Variants in NELL1 observed in about 807,000 individuals in gnomAD.
NELL1 encodes neural EGFL like 1, also known as protein kinase C-binding protein NELL1.
Under a neutral mutation model 107.4 loss-of-function variants are expected in NELL1, and 76 were observed. That is an observed-to-expected ratio of 0.71 (90% CI 0.59 to 0.86). The LOEUF (loss-of-function observed/expected upper bound fraction) is 0.86. Among genes scored for constraint, NELL1 ranks in the 40% least tolerant of loss-of-function variants. The pLI is 0.00. For synonymous variants in NELL1, 353 were observed against 341.2 expected (o/e 1.03, Z -0.38); for missense variants, 1,024 against 1,005.5 (o/e 1.02, Z -0.25).
At chr11:20,728,545 A>C (rs1181484434) in intron 2 of NELL1, among the ~76,000 whole-genome samples, 1 of 151,600 alleles carries the variant, frequency 6.6e-6, no homozygotes, top group Non-Finnish European at 1.5e-5. Context: ...CTATCTCATC[A>C]TCATTTATTG....
At chr11:20,674,282 A>T (rs1565300878) in intron 1 of NELL1, among the ~76,000 whole-genome samples, 1 of 152,138 alleles carries the variant, frequency 6.6e-6, no homozygotes, top group Non-Finnish European at 1.5e-5. Flanking sequence ...TTATGATTCC[A>T]GTGGAATTGA....
chr11:20,816,690 G>T (rs1857630389), intron 3 of NELL1, among the ~76,000 whole-genome samples: 2 of 152,110 alleles, frequency 1.3e-5, no homozygotes, highest in South Asian at 4.1e-4. Flanking sequence ...AATAGGAGTG[G>T]TAAGCATGGG....
intron 4 of NELL1, among the ~76,000 whole-genome samples, chr11:20,865,763 C>G (rs930914166): frequency 6.6e-6 from 1 of 152,154 alleles, no homozygotes; most frequent in East Asian, 1.9e-4. Flanking sequence ...TTTTTACACA[C>G]TGTGAGGTGC....
Position 20,693,904 on chromosome 11 carries a change from C to A in NELL1, c.184+15844C>A, listed in dbSNP as rs368785189. ...GTTTTCCAACTTGGTTCCATTCTCC[C>A]CGTCACTTTCAGGTACACCAATCAG... is the stretch of plus-strand genomic sequence containing the variant. On this transcript the variant is annotated intron_variant, in intron 2 of 19. Coordinates refer to ENST00000357134, the MANE Select transcript of NELL1 (RefSeq NM_006157.5). Among the ~76,000 whole-genome samples the A allele has an allele frequency of 2.6e-5, 4 of 152,248 alleles. 1 individual carries two copies. The South Asian group carries it at 8.3e-4, about 32-fold the overall frequency.
chr11:20,900,071 G>C (rs558027739), intron 5 of NELL1, among the ~76,000 whole-genome samples: 1 of 152,098 alleles, frequency 6.6e-6, no homozygotes, highest in African/African-American at 2.4e-5. Flanking sequence ...GGCTTACTTT[G>C]CTGGATTTTA....
chr11:21,540,986 C>T (rs1301286459), intron 16 of NELL1, among the ~76,000 whole-genome samples: 5 of 151,968 alleles, frequency 3.3e-5, no homozygotes, highest in Non-Finnish European at 5.9e-5. Context: ...TCTTCATAGC[C>T]GTTTATTTGC....
chr11:21,243,196 T>G (rs899830561), intron 14 of NELL1, among the ~76,000 whole-genome samples: 2 of 152,170 alleles, frequency 1.3e-5, no homozygotes, highest in Non-Finnish European at 2.9e-5. Flanking sequence ...AGTTTATAAT[T>G]TATTTTAGAT....
chr11:20,674,385 C>A (rs1853997283), intron 1 of NELL1: 2 of 843,624 alleles, frequency 2.4e-6, no homozygotes, highest in Non-Finnish European at 3.8e-6. Context: ...CCAGATGGAG[C>A]TGTTGAAGTG....
At chr11:20,965,026 T>C (rs761878979) in intron 12 of NELL1, among the ~76,000 whole-genome samples, 1 of 152,144 alleles carries the variant, frequency 6.6e-6, no homozygotes, top group Non-Finnish European at 1.5e-5. Context: ...GCCTACGATA[T>C]GTCTCCCTGA....
chr11:21,003,128 C>G (rs1197679319), intron 12 of NELL1, among the ~76,000 whole-genome samples: 1 of 152,042 alleles, frequency 6.6e-6, no homozygotes, highest in African/African-American at 2.4e-5. Context: ...TTCCTATGTT[C>G]CAGGATCTGT....
intron 11 of NELL1, among the ~76,000 whole-genome samples, chr11:20,948,013 A>C (rs1850998674): frequency 6.6e-6 from 1 of 152,224 alleles, no homozygotes; most frequent in East Asian, 1.9e-4. Context: ...CCTTCATCCC[A>C]AAATTTATTC....
Position 21,267,243 on chromosome 11 carries a change from A to G in NELL1, c.1549+37789A>G, listed in dbSNP as rs906172807. Among the ~76,000 whole-genome samples the G allele has an allele frequency of 5.9e-5, 9 of 152,198 alleles. No homozygotes were observed. In the East Asian group the frequency reaches 7.7e-4, roughly 13 times the overall value. ...GATCATTCAAATAGTGTGTGCAATA[A>G]TGTTACTTATAATAATATCATGAAT... On this transcript the variant is annotated intron_variant, in intron 14 of 19. Coordinates refer to ENST00000357134, the MANE Select transcript of NELL1 (RefSeq NM_006157.5).
At chr11:21,184,034 T>C (rs1309272983) in intron 13 of NELL1, among the ~76,000 whole-genome samples, 1 of 151,808 alleles carries the variant, frequency 6.6e-6, no homozygotes, top group African/African-American at 2.4e-5. Flanking sequence ...CAATGCGATA[T>C]AGAGGCAGTA....
Position 20,908,611 on chromosome 11 carries a change from C to T in NELL1, c.604-9571C>T, listed in dbSNP as rs117022500. On this transcript the variant is annotated intron_variant, in intron 5 of 19. Transcript: ENST00000357134. ...GACAGGTCAATAATACATCAAGCCC[C>T]CATGGCACACGTATACCTATGTAAC... 5.4e-3 allele frequency among the ~76,000 whole-genome samples: 819 copies of T among 152,100 alleles called. 17 individuals carry two copies. The highest frequency in any genetic ancestry group is 0.036 in the Admixed American group (556 of 15,252).
At chr11:20,998,314 AT>A (rs1468656800) in intron 12 of NELL1, among the ~76,000 whole-genome samples, 1 of 152,210 alleles carries the variant, frequency 6.6e-6, no homozygotes, top group East Asian at 1.9e-4. Flanking sequence ...CTCCTGATAG[AT>A]TAATTTTCCC....
intron 14 of NELL1, among the ~76,000 whole-genome samples, chr11:21,344,368 C>G (rs1009465829): frequency 2.6e-5 from 4 of 152,144 alleles, no homozygotes. Flanking sequence ...TTCTGTCAGT[C>G]ATACATGTGG....
At chr11:21,138,803 C>T (rs573987130) in intron 13 of NELL1, among the ~76,000 whole-genome samples, 7 of 152,144 alleles carry the variant, frequency 4.6e-5, no homozygotes, top group East Asian at 3.9e-4. Context: ...TGTTTGAAAC[C>T]GTGACTCATG....
intron 12 of NELL1, among the ~76,000 whole-genome samples, chr11:21,057,789 T>C (rs1440675191): frequency 2.0e-5 from 3 of 152,068 alleles, no homozygotes; most frequent in Non-Finnish European, 1.5e-5. Flanking sequence ...GGATAGTTTT[T>C]AAAATTTTGC....
chr11:21,362,351 C>T lies in NELL1; in HGVS notation c.1550-8502C>T, dbSNP rs552288217. Reference sequence around the variant, plus strand: ...AAAGTCCTGTGATGTAATCGGTCTTCAAATCTTCCAGCCATGGATACCAGC... The same window carrying T: ...AAAGTCCTGTGATGTAATCGGTCTTTAAATCTTCCAGCCATGGATACCAGC... On this transcript the variant is annotated intron_variant, in intron 14 of 19. Coordinates refer to ENST00000357134, the MANE Select transcript of NELL1 (RefSeq NM_006157.5). Among the ~76,000 whole-genome samples, 12 of 152,256 alleles carry T rather than the reference C, an allele frequency of 7.9e-5. No individual in the cohort carries two copies. The South Asian group carries it at 2.5e-3, about 32-fold the overall frequency.
Sources: allele counts gnomAD v4.1 joint callset (sites outside exome capture counted in the v4.1 genomes callset), GRCh38; gene constraint gnomAD v4.1.1; transcripts MANE v1.5; gene names NCBI Gene and HGNC (gene_info 2026-07-23, HGNC 2026-07-21).